Variants in ZNF521 observed in about 807,000 individuals in gnomAD.
ZNF521 encodes zinc finger protein 521.
In ZNF521, 14 loss-of-function variants were observed where a neutral mutation model predicts 105.5. The observed-to-expected ratio is 0.13, with a 90% CI of 0.09 to 0.21. The LOEUF is 0.21. ZNF521 is among the 10% of genes least tolerant of loss of function. ZNF521 has a pLI of 1.00. For missense variants in ZNF521, 1,233 were observed against 1,629.7 expected, an observed-to-expected ratio of 0.76 and a Z score of 4.19; for synonymous variants, 635 against 606.0, an observed-to-expected ratio of 1.05 and a Z score of -0.70.
rs12606008 is a variant in ZNF521 at position 25,309,621 on chromosome 18, A to C, written c.220+12387T>G. On this transcript the variant is annotated intron_variant, in intron 3 of 7. Transcript: ENST00000361524. ...CATGGCTTTTTAATAACCAGCATAA[A>C]ACACTGGTGAAAAGCAAATATTTTG... Among the ~76,000 whole-genome samples the C allele has an allele frequency of 9.2e-3, 1,396 of 152,338 alleles. 99 individuals carry two copies. The East Asian group carries it at 0.2, about 22-fold the overall frequency.
intron 2 of ZNF521, among the ~76,000 whole-genome samples, chr18:25,349,929 C>T (rs1328101214): frequency 6.6e-6 from 1 of 151,588 alleles, no homozygotes; most frequent in Non-Finnish European, 1.5e-5. Flanking sequence ...CGCGCTCCGC[C>T]GCCCGCCCTC....
intron 4 of ZNF521, among the ~76,000 whole-genome samples, chr18:25,218,991 G>C (rs985391840): frequency 6.6e-6 from 1 of 151,956 alleles, no homozygotes; most frequent in Non-Finnish European, 1.5e-5. Flanking sequence ...TGCAGCCTAC[G>C]CAACTTGAAG....
chr18:25,327,443 C>T (rs1913285626), intron 2 of ZNF521: 1 of 1,168,104 alleles, frequency 8.6e-7, no homozygotes, highest in African/African-American at 1.6e-5. Flanking sequence ...TTTAGAAGTC[C>T]CACACCTAAA....
At chr18:25,337,958 C>T (rs751807815) in intron 2 of ZNF521, among the ~76,000 whole-genome samples, 5 of 152,062 alleles carry the variant, frequency 3.3e-5, no homozygotes, top group Non-Finnish European at 7.4e-5. Flanking sequence ...GGAAGGGCTG[C>T]TAGGAAATAT....
chr18:25,231,369 CT>C (rs1407716958), intron 3 of ZNF521: 2 of 152,178 alleles, frequency 1.3e-5, no homozygotes, highest in African/African-American at 4.8e-5. Context: ...AGAGTAACAC[CT>C]GTTCAGGCAT....
intron 2 of ZNF521, among the ~76,000 whole-genome samples, chr18:25,328,239 T>C (rs1485764810): frequency 6.6e-6 from 1 of 152,186 alleles, no homozygotes; most frequent in Non-Finnish European, 1.5e-5. Flanking sequence ...TTTTGCTTGA[T>C]TGTTCTACAG....
chr18:25,344,655 A>C (rs1315136763), intron 2 of ZNF521, among the ~76,000 whole-genome samples: 4 of 152,274 alleles, frequency 2.6e-5, no homozygotes, highest in African/African-American at 9.6e-5. Flanking sequence ...TTGACGTGGA[A>C]TATCAGCCTT....
chr18:25,212,437 T>C (rs2036197779), intron 4 of ZNF521, among the ~76,000 whole-genome samples: 1 of 133,596 alleles, frequency 7.5e-6, no homozygotes. Flanking sequence ...TTGAACCCGG[T>C]AGGTGGACGT....
intron 3 of ZNF521, among the ~76,000 whole-genome samples, chr18:25,261,876 T>C (rs1232502292): frequency 6.6e-6 from 1 of 152,184 alleles, no homozygotes; most frequent in Non-Finnish European, 1.5e-5. Context: ...CCCCCTGCTG[T>C]GCGGAAGGAC....
chr18:25,150,394 G>T (rs960674609), intron 5 of ZNF521, among the ~76,000 whole-genome samples: 10 of 152,058 alleles, frequency 6.6e-5, no homozygotes, highest in African/African-American at 2.4e-4. Flanking sequence ...ACTTACTCAC[G>T]TAACCAAACA....
chr18:25,306,983 A>C (rs1912017089), intron 3 of ZNF521, among the ~76,000 whole-genome samples: 1 of 152,158 alleles, frequency 6.6e-6, no homozygotes, highest in Non-Finnish European at 1.5e-5. Flanking sequence ...AAGGGAACCC[A>C]CCATTCTAAC....
chr18:25,306,265 GA>G (rs1911969563), intron 3 of ZNF521, among the ~76,000 whole-genome samples: 2 of 152,126 alleles, frequency 1.3e-5, no homozygotes, highest in East Asian at 3.9e-4. Flanking sequence ...AAAATAATAC[GA>G]AGGGAGATGA....
chr18:25,277,881 T>A (rs1439815979), intron 3 of ZNF521, among the ~76,000 whole-genome samples: 4 of 152,140 alleles, frequency 2.6e-5, no homozygotes, highest in African/African-American at 9.7e-5. Context: ...TTCAAAATAT[T>A]TTTCAAGGAT....
At chr18:25,208,573 T>C (rs1015016735) in intron 4 of ZNF521, among the ~76,000 whole-genome samples, 2 of 152,166 alleles carry the variant, frequency 1.3e-5, no homozygotes, top group African/African-American at 2.4e-5. Flanking sequence ...CTTTTCTTTT[T>C]TTCCTTTTTT....
intron 4 of ZNF521, among the ~76,000 whole-genome samples, chr18:25,207,068 T>G (rs1439121101): frequency 8.0e-6 from 1 of 124,712 alleles, no homozygotes; most frequent in African/African-American, 3.3e-5. Context: ...AAAATATCTT[T>G]TTGAAAAATA....
intron 3 of ZNF521, among the ~76,000 whole-genome samples, chr18:25,277,191 A>T (rs1910089111): frequency 6.6e-6 from 1 of 152,126 alleles, no homozygotes; most frequent in South Asian, 2.1e-4. Flanking sequence ...TCAAAAAAAA[A>T]AAAAAAGTGT....
At chr18:25,211,660 A>G (rs2036181509) in intron 4 of ZNF521, among the ~76,000 whole-genome samples, 1 of 152,062 alleles carries the variant, frequency 6.6e-6, no homozygotes. Flanking sequence ...TGTGTTATAA[A>G]TTTGTTTTAT....
chr18:25,236,493 G>A (rs199620578), intron 3 of ZNF521, among the ~76,000 whole-genome samples: 2 of 150,440 alleles, frequency 1.3e-5, no homozygotes, highest in South Asian at 2.1e-4. Context: ...CCGAGATCAC[G>A]CCACTGCAGT....
intron 3 of ZNF521, among the ~76,000 whole-genome samples, chr18:25,267,711 C>G (rs149438426): frequency 6.6e-4 from 101 of 152,244 alleles, no homozygotes; most frequent in African/African-American, 2.3e-3. Flanking sequence ...GGAAAACTAA[C>G]AAACAGAAAA....
Sources: gnomAD v4.1 joint callset for allele counts (sites outside exome capture counted in the v4.1 genomes callset) on GRCh38, gnomAD v4.1.1 for gene constraint, MANE v1.5 for transcripts, NCBI Gene and HGNC (gene_info 2026-07-23, HGNC 2026-07-21) for gene names.